ADGRE1: variants seen among roughly 807,000 people sequenced by gnomAD.
ADGRE1 encodes the protein adhesion G protein-coupled receptor E1, also known as EGF-like module receptor 1.
ADGRE1 carries 82 observed loss-of-function variants against 102.7 expected under a neutral mutation model. That is an observed-to-expected ratio of 0.80 (90% confidence interval 0.67 to 0.96). The LOEUF (loss-of-function observed/expected upper bound fraction) is 0.96. ADGRE1 is among the 40% of genes least tolerant of loss of function. The pLI is 0.00. For missense variants in ADGRE1, 1,032 were observed against 1,085.3 expected (o/e 0.95, Z 0.69); for synonymous variants, 398 against 399.6 (o/e 1.00, Z 0.05).
Position 6,915,587 on chromosome 19 carries a change from T to G in ADGRE1, c.1301-662T>G, listed in dbSNP as rs899887551. Among the ~76,000 whole-genome samples, 4 of 152,122 alleles carry G rather than the reference T, an allele frequency of 2.6e-5. No individual in the cohort carries two copies. The South Asian group carries it at 8.3e-4, about 31-fold the overall frequency. ...GAACCTGAGCTCTTGTGTACCATGC[T>G]AGGCTTGCCCCAATCCCTTACTATT... On this transcript the variant is annotated intron_variant, in intron 11 of 20. Transcript: ENST00000312053.
rs77771188 is a variant in ADGRE1 at position 6,912,579 on chromosome 19, C to A, written c.1123-1074C>A. ...TTAAATTAAACCAATTGTTTCTAAA[C>A]CAAATGCAATACTATATACATGATA... On this transcript the variant is annotated intron_variant, in intron 10 of 20. Coordinates refer to ENST00000312053, the MANE Select transcript of ADGRE1 (RefSeq NM_001974.5). Among the ~76,000 whole-genome samples, 3 of 152,254 alleles carry A rather than the reference C, an allele frequency of 2.0e-5. No individual in the cohort carries two copies. The East Asian group carries it at 5.8e-4, about 29-fold the overall frequency.
chr19:6,911,385 G>GTTTCTTTTTTTTTTTTT (rs1974169693), intron 10 of ADGRE1, among the ~76,000 whole-genome samples: 1 of 79,844 alleles, frequency 1.3e-5, no homozygotes, highest in Non-Finnish European at 2.3e-5. Flanking sequence ...ATTCCTTTTA[G>GTTTCTTTTTTTTTTTTT]TTTTTTTTTT....
In ADGRE1 at chr19:6,913,660, C is replaced by T; in HGVS notation, c.1130C>T (p.Thr377Ile). The T allele has an allele frequency of 2.5e-6, 4 of 1,599,816 alleles. No individual in the cohort carries two copies. Among genetic ancestry groups the T allele is most frequent in the Non-Finnish European group, 2.6e-6 (3 of 1,171,858 alleles). The part of the protein sequence containing the change: ...KTTVVSLKNT[T>I]ESFVPVLKQI... ...ACACATCTTTCCTTGCAGAATACAACTGAGAGCTTTGTCCCTGTGCTTAAA... is the reference window on the plus strand; with the variant it reads ...ACACATCTTTCCTTGCAGAATACAATTGAGAGCTTTGTCCCTGTGCTTAAA... The change falls in exon 11 of 21, where the codon ACT becomes ATT. Residue 377 changes from threonine (T) to isoleucine (I), a missense_variant. By Grantham distance (89) the Thr-to-Ile change is moderately conservative. Transcript: ENST00000312053.
At chr19:6,922,694 G>A (rs1032765469) in intron 14 of ADGRE1, among the ~76,000 whole-genome samples, 4 of 151,254 alleles carry the variant, frequency 2.6e-5, no homozygotes, top group East Asian at 1.9e-4. Flanking sequence ...CAAGAGAGCC[G>A]ATGATAGATC....
chr19:6,921,418 T>TCA (rs139094000), intron 13 of ADGRE1, among the ~76,000 whole-genome samples: 27 of 151,122 alleles, frequency 1.8e-4, no homozygotes, highest in South Asian at 8.4e-4. Flanking sequence ...TGAGACTCTG[T>TCA]CACACACACA....
intron 19 of ADGRE1, 54 bp from the exon 20 acceptor site, chr19:6,937,490 A>G: frequency 6.6e-7 from 1 of 1,505,284 alleles, no homozygotes; most frequent in Non-Finnish European, 9.0e-7. Flanking sequence ...TCCACCCAAC[A>G]TCCCTGTCAC....
Position 6,940,023 on chromosome 19 carries a change from G to A in ADGRE1, c.2656-1G>A. ...TGAGGAAATTCTTTTCTCTCTCACA[G>A]GGTTAAAGTCCTTTCTTGCTTTCAA... On this transcript the variant is annotated splice_acceptor_variant, in intron 20 of 20. Coordinates refer to ENST00000312053, the MANE Select transcript of ADGRE1 (RefSeq NM_001974.5). LOFTEE classifies it high-confidence loss of function. 6.2e-7 allele frequency: 1 copy of A among 1,613,880 alleles called. No individual in the cohort carries two copies. The highest frequency in any genetic ancestry group is 8.5e-7 in the Non-Finnish European group (1 of 1,179,966).
intron 1 of ADGRE1, among the ~76,000 whole-genome samples, chr19:6,889,802 T>C (rs1229108271): frequency 1.3e-5 from 2 of 151,824 alleles, no homozygotes; most frequent in Non-Finnish European, 2.9e-5. Context: ...TATATACATA[T>C]GTATCTTATA....
intron 11 of ADGRE1, among the ~76,000 whole-genome samples, chr19:6,915,511 C>G (rs571289589): frequency 6.6e-6 from 1 of 152,148 alleles, no homozygotes; most frequent in African/African-American, 2.4e-5. Context: ...CAAATTTAGG[C>G]AGCTAGTGCG....
chr19:6,935,530 C>A (rs252555), intron 18 of ADGRE1, among the ~76,000 whole-genome samples: 110,317 of 152,016 alleles, frequency 0.73, 40,501 homozygotes, highest in Non-Finnish European at 0.79. Context: ...TTTCTGACTT[C>A]ATTAGATATT....
At chr19:6,896,644 T>TA in intron 3 of ADGRE1, 103 bp downstream of exon 3, 2 of 1,338,708 alleles carry the variant, frequency 1.5e-6, no homozygotes, top group South Asian at 1.4e-5. Flanking sequence ...CATTTTTTTT[T>TA]AAATCTGGTT....
intron 17 of ADGRE1, among the ~76,000 whole-genome samples, chr19:6,929,396 G>A (rs537861186): frequency 5.9e-5 from 9 of 152,094 alleles, no homozygotes; most frequent in African/African-American, 1.7e-4. Flanking sequence ...TACGTAGAGC[G>A]CGAGGAAGCT....
At chr19:6,905,211 A>C (rs1301038166) in intron 8 of ADGRE1, among the ~76,000 whole-genome samples, 2 of 152,074 alleles carry the variant, frequency 1.3e-5, no homozygotes, top group African/African-American at 4.8e-5. Flanking sequence ...AGCCAGGTGT[A>C]GTAGCATGGG....
chr19:6,933,792 C>CCTT (rs1250766963), intron 17 of ADGRE1, among the ~76,000 whole-genome samples: 1 of 152,134 alleles, frequency 6.6e-6, no homozygotes, highest in Non-Finnish European at 1.5e-5. Context: ...AAGGCAGCCC[C>CCTT]CTTCTCCCCG....
intron 8 of ADGRE1, among the ~76,000 whole-genome samples, chr19:6,905,586 T>C (rs2607127): frequency 0.37 from 55,574 of 151,098 alleles, 11,941 homozygotes; most frequent in African/African-American, 0.6. Context: ...CTCGTGATCT[T>C]GTGATCCTCC....
intron 1 of ADGRE1, among the ~76,000 whole-genome samples, chr19:6,888,297 A>G (rs1453916088): frequency 2.0e-5 from 3 of 152,106 alleles, no homozygotes; most frequent in Non-Finnish European, 4.4e-5. Flanking sequence ...TGTGGTCGGG[A>G]GTTATGTTGA....
At position 6,896,385 on chromosome 19, in the gene ADGRE1, A is replaced by G. The variant is rs567807390; in HGVS notation, c.95-13A>G. On this transcript the variant is annotated splice_polypyrimidine_tract_variant and intron_variant, in intron 2 of 20. Transcript: ENST00000312053. ...TCTAATCTTGTCTAAACTTTTCTTT[A>G]TACACTGCCTAGGTAATAACTGTAG... 1.2e-6 allele frequency: 2 copies of G among 1,612,564 alleles called. No individual in the cohort carries two copies. Among genetic ancestry groups the G allele is most frequent in the African/African-American group, 2.7e-5 (2 of 74,970 alleles).
chr19:6,929,125 G>C (rs919196492), intron 17 of ADGRE1, among the ~76,000 whole-genome samples: 15 of 152,170 alleles, frequency 9.9e-5, no homozygotes, highest in Admixed American at 6.6e-4. Context: ...GTCATTGTCT[G>C]GGGGTAATAA....
intron 3 of ADGRE1, 112 bp from the exon 4 acceptor site, chr19:6,897,037 T>C (rs1293260579): frequency 9.2e-7 from 1 of 1,086,054 alleles, no homozygotes; most frequent in East Asian, 2.6e-5. Context: ...AGTACCAAAG[T>C]GAAGTGCATA....
Sources: gnomAD v4.1 joint callset for allele counts (sites outside exome capture counted in the v4.1 genomes callset) on GRCh38, gnomAD v4.1.1 for gene constraint, MANE v1.5 for transcripts, NCBI Gene and HGNC (gene_info 2026-07-23, HGNC 2026-07-21) for gene names.